Variants in MBNL2 observed in about 807,000 individuals in gnomAD.
MBNL2 encodes the protein muscleblind-like protein 2.
In MBNL2, 17 loss-of-function variants were observed where a neutral mutation model predicts 41.9. That is an observed-to-expected ratio of 0.41 (90% CI 0.28 to 0.61). The LOEUF (loss-of-function observed/expected upper bound fraction) is 0.61, where lower values mean the gene tolerates loss of function less well. Ranked by LOEUF, MBNL2 falls within the 20% of genes least tolerant of loss-of-function variation. The probability of loss-of-function intolerance (pLI) is 0.35; values close to 1 mark genes in which losing one functional copy is unlikely to be tolerated. For missense variants in MBNL2, 336 were observed against 505.6 expected, an observed-to-expected ratio of 0.66 and a Z score of 3.22; for synonymous variants, 195 against 182.9, an observed-to-expected ratio of 1.07 and a Z score of -0.53.
In MBNL2 at chr13:97,357,536, A is replaced by G. The variant is rs1169826356; in HGVS notation, c.913A>G (p.Ser305Gly). The stretch of plus-strand genomic sequence containing the variant: ...ACCAAAGAGACAAGCACTTGAAAAA[A>G]GCAATGGTACCAGCGCGGTCTTTAA... ...PLPKRQALEK[S>G]NGTSAVFNPS... Residue 305 changes from serine to glycine, a missense_variant, in exon 7 of 9, where the codon AGC (serine) becomes GGC (glycine). By Grantham distance (56) the Ser-to-Gly change is moderately conservative. Transcript: ENST00000679496. 6.2e-7 allele frequency: 1 copy of G among 1,614,032 alleles called. No homozygotes were observed. Among genetic ancestry groups the G allele is most frequent in the Admixed American group, 1.7e-5 (1 of 59,994 alleles).
At chr13:97,187,645 C>G in the MBNL2 span, among the ~76,000 whole-genome samples, 1 of 145,586 alleles carries the variant, frequency 6.9e-6, no homozygotes, top group Non-Finnish European at 1.5e-5. Flanking sequence ...CGGTGGCTCA[C>G]GCCTGTAATC....
chr13:97,324,134 T>C (rs981151673), intron 2 of MBNL2, among the ~76,000 whole-genome samples: 6 of 152,124 alleles, frequency 3.9e-5, no homozygotes, highest in Admixed American at 2.6e-4. Flanking sequence ...ATAAATATCT[T>C]AGCTTAAATG....
chr13:97,354,420 T>A (rs2062803867), intron 5 of MBNL2, among the ~76,000 whole-genome samples: 1 of 152,228 alleles, frequency 6.6e-6, no homozygotes, highest in Admixed American at 6.5e-5. Context: ...CAATGCGAGA[T>A]GAACAACATG....
At chr13:97,284,940 G>T (rs1252015346) in intron 2 of MBNL2, among the ~76,000 whole-genome samples, 1 of 152,140 alleles carries the variant, frequency 6.6e-6, no homozygotes, top group Non-Finnish European at 1.5e-5. Flanking sequence ...TACTCATTTT[G>T]CTTTGGGCAG....
the MBNL2 span, among the ~76,000 whole-genome samples, chr13:97,143,060 T>C: frequency 3.9e-5 from 6 of 152,332 alleles, no homozygotes; most frequent in South Asian, 1.2e-3. Flanking sequence ...TGTAATATGG[T>C]GTTGGTTTAT....
intron 2 of MBNL2, among the ~76,000 whole-genome samples, chr13:97,300,065 C>G (rs2057466232): frequency 6.6e-6 from 1 of 152,132 alleles, no homozygotes; most frequent in African/African-American, 2.4e-5. Context: ...AAGGCTGGGT[C>G]ACTGATACAG....
At chr13:97,160,927 G>A in the MBNL2 span, among the ~76,000 whole-genome samples, 69 of 152,294 alleles carry the variant, frequency 4.5e-4, no homozygotes, top group African/African-American at 1.6e-3. Context: ...ATAGTGTCAT[G>A]CCAAGTTCTG....
the MBNL2 span, among the ~76,000 whole-genome samples, chr13:97,184,735 G>C: frequency 3.9e-5 from 6 of 152,060 alleles, no homozygotes; most frequent in Non-Finnish European, 5.9e-5. Context: ...CCTAGAATCC[G>C]AGCACTTTGG....
At chr13:97,302,360 G>T (rs890284950) in intron 2 of MBNL2, among the ~76,000 whole-genome samples, 2 of 152,194 alleles carry the variant, frequency 1.3e-5, no homozygotes, top group Admixed American at 1.3e-4. Flanking sequence ...GGACCTGAAT[G>T]TTGAAAGTAG....
chr13:97,389,244 G>A (rs759399105), intron 8 of MBNL2, among the ~76,000 whole-genome samples: 32 of 152,110 alleles, frequency 2.1e-4, no homozygotes, highest in African/African-American at 2.4e-5. Context: ...CCTTGCCATA[G>A]GTAACTTCCA....
At chr13:97,274,353 C>G (rs150431327) in intron 1 of MBNL2, among the ~76,000 whole-genome samples, 9,105 of 151,964 alleles carry the variant, frequency 0.06, 766 homozygotes, top group African/African-American at 0.18. Flanking sequence ...AAAAATTAGC[C>G]AGGCGTGGTG....
At position 97,343,258 on chromosome 13, in the gene MBNL2, G is replaced by A. The variant is rs11619936; in HGVS notation, c.540+42G>A. 1.4e-6 allele frequency: 2 copies of A among 1,392,204 alleles called. 1 individual carries two copies. Among genetic ancestry groups the A allele is most frequent in the South Asian group, 2.6e-5 (2 of 77,522 alleles). 86.2% of individuals were successfully genotyped at this position (1,392,204 alleles called of 1,614,324 possible). On this transcript the variant is annotated intron_variant, in intron 4 of 8. Coordinates refer to ENST00000679496, the MANE Select transcript of MBNL2 (RefSeq NM_001382683.1). Reference sequence around the variant, plus strand: ...TGTGTTTTGACATGCATTTGTGGTAGAAATATACTTCTGTGTAAGTGATTG... The same window carrying A: ...TGTGTTTTGACATGCATTTGTGGTAAAAATATACTTCTGTGTAAGTGATTG...
At chr13:97,188,488 A>G in the MBNL2 span, among the ~76,000 whole-genome samples, 2 of 152,020 alleles carry the variant, frequency 1.3e-5, no homozygotes, top group Non-Finnish European at 2.9e-5. Context: ...TGCCGCACAC[A>G]CATATTGAAA....
chr13:97,294,243 C>A (rs574439351), intron 2 of MBNL2, among the ~76,000 whole-genome samples: 1 of 152,242 alleles, frequency 6.6e-6, no homozygotes, highest in South Asian at 2.1e-4. Context: ...TCCAAAACCC[C>A]TCACCAATTA....
chr13:97,342,326 C>G (rs1162701277), intron 3 of MBNL2, among the ~76,000 whole-genome samples: 2 of 152,036 alleles, frequency 1.3e-5, no homozygotes, highest in African/African-American at 4.8e-5. Flanking sequence ...ATTTTGTGAC[C>G]TAGGAAACCA....
At chr13:97,356,679 A>G (rs1008927015) in intron 5 of MBNL2, 117 bp from the exon 6 acceptor site, 4 of 377,468 alleles carry the variant, frequency 1.1e-5, no homozygotes, top group African/African-American at 8.3e-5. Context: ...CTTCTCACCT[A>G]TCCACAATGC....
the MBNL2 span, among the ~76,000 whole-genome samples, chr13:97,144,123 C>T: frequency 1.3e-5 from 2 of 152,190 alleles, no homozygotes; most frequent in African/African-American, 2.4e-5. Flanking sequence ...GGATTACGGG[C>T]ATGAGCCACC....
rs116293755 is a variant in MBNL2 at position 97,274,855 on chromosome 13, C to T, written c.-604-777C>T. Reference sequence around the variant, plus strand: ...GCCATGTGTTTTAACTCCAGCATTCCATACTACAGAGCGTTTTTAGATTAT... The same window carrying T: ...GCCATGTGTTTTAACTCCAGCATTCTATACTACAGAGCGTTTTTAGATTAT... On this transcript the variant is annotated intron_variant, in intron 1 of 8. Transcript: ENST00000679496. Among the ~76,000 whole-genome samples the T allele has an allele frequency of 6.3e-3, 960 of 152,304 alleles. 9 individuals are homozygous for T. The highest frequency in any genetic ancestry group is 0.022 in the African/African-American group (909 of 41,548).
chr13:97,343,121 C>T lies in MBNL2; in HGVS notation c.445C>T (p.Leu149=). ...AGTTGGGTTGGTCCCAACGGAAATT[C>T]TGCCCACCACGCCTGTTATTGTTCC... ...PGVGLVPTEI[L]PTTPVIVPGS... is the part of the protein sequence containing the mutation. The change falls in exon 4 of 9, where the codon CTG becomes TTG. Residue 149 remains leucine, a synonymous_variant. Transcript: ENST00000679496. The T allele has an allele frequency of 6.2e-7, 1 of 1,614,058 alleles. No individual in the cohort carries two copies.
Sources: gnomAD v4.1 joint callset for allele counts (sites outside exome capture counted in the v4.1 genomes callset) on GRCh38, gnomAD v4.1.1 for gene constraint, MANE v1.5 for transcripts, NCBI Gene and HGNC (gene_info 2026-07-23, HGNC 2026-07-21) for gene names.